The following CLEC16A variants were observed in gnomAD, a reference collection of about 807,000 sequenced individuals.
CLEC16A encodes protein CLEC16A.
CLEC16A carries 51 observed loss-of-function variants against 109.5 expected under a neutral mutation model. The ratio of observed to expected loss-of-function variants is 0.47; its 90% CI spans 0.37 to 0.59. The LOEUF is 0.59. Ranked by LOEUF, CLEC16A falls within the 20% of genes least tolerant of loss-of-function variation. The pLI is 0.00. For synonymous variants in CLEC16A, 673 were observed against 564.2 expected, an observed-to-expected ratio of 1.19 and a Z score of -2.73; for missense variants, 1,339 against 1,394.0, an observed-to-expected ratio of 0.96 and a Z score of 0.63.
chr16:11,164,119 T>G (rs2054820931), intron 22 of CLEC16A, among the ~76,000 whole-genome samples: 1 of 152,042 alleles, frequency 6.6e-6, no homozygotes, highest in Non-Finnish European at 1.5e-5. Context: ...TTGTGCCTCT[T>G]CCTGAGAACT....
Position 10,971,210 on chromosome 16 carries a change from T to C in CLEC16A, c.578T>C (p.Ile193Thr), listed in dbSNP as rs1462096732. 6.2e-7 allele frequency: 1 copy of C among 1,612,494 alleles called. No homozygotes were observed. The highest frequency in any genetic ancestry group is 8.5e-7 in the Non-Finnish European group (1 of 1,178,768). Residue 193 changes from isoleucine (I) to threonine (T), a missense_variant, in exon 5 of 24, where the codon ATA becomes ACA. Around this residue, in one of 3 missense-constraint regions of CLEC16A, gnomAD observed 161 missense variants for 267.1 expected, o/e 0.60. Transcript: ENST00000409790. ...ESMVRIAVRTITLNVYKVSLD... is the reference protein window; with the variant it reads ...ESMVRIAVRTTTLNVYKVSLD... ...ATGGTTAGAATTGCTGTAAGAACCA[T>C]AACTTTGAATGTCTATAAAGGTAAG...
chr16:11,151,215 A>T (rs2054279137), intron 22 of CLEC16A, among the ~76,000 whole-genome samples: 1 of 152,238 alleles, frequency 6.6e-6, no homozygotes, highest in African/African-American at 2.4e-5. Flanking sequence ...GCACCCTATG[A>T]CAAACATCCT....
intron 22 of CLEC16A, among the ~76,000 whole-genome samples, chr16:11,128,311 C>G: frequency 6.6e-6 from 1 of 152,360 alleles, no homozygotes; most frequent in South Asian, 2.1e-4. Context: ...CCCTGCCTGG[C>G]CTTCCACCGG....
At chr16:11,084,407 G>A (rs1264290922) in intron 19 of CLEC16A, among the ~76,000 whole-genome samples, 1 of 152,098 alleles carries the variant, frequency 6.6e-6, no homozygotes, top group Non-Finnish European at 1.5e-5. Flanking sequence ...TGGATCCCAG[G>A]GCCCACAGTG....
chr16:10,990,276 A>G (rs935914176), intron 10 of CLEC16A, among the ~76,000 whole-genome samples: 33 of 152,194 alleles, frequency 2.2e-4, no homozygotes, highest in African/African-American at 8.0e-4. Flanking sequence ...TGCCCACCGA[A>G]GTATTGAATG....
In CLEC16A at chr16:11,125,971, G is replaced by A; in HGVS notation, c.2474-8G>A. 1.3e-6 allele frequency: 2 copies of A among 1,588,820 alleles called. No homozygotes were observed. The highest frequency in any genetic ancestry group is 1.8e-5 in the Admixed American group (1 of 55,284). On this transcript the variant is annotated splice_polypyrimidine_tract_variant and splice_region_variant and intron_variant, in intron 21 of 23. Coordinates refer to ENST00000409790, the MANE Select transcript of CLEC16A (RefSeq NM_015226.3). ...CTCAGAGTGAACCATGCTATTGTTT[G>A]ACCGTAGCCCTCCTGGACCTCCCAA...
chr16:11,008,998 CA>C (rs1178747037), intron 11 of CLEC16A, among the ~76,000 whole-genome samples: 2 of 151,714 alleles, frequency 1.3e-5, no homozygotes, highest in East Asian at 1.9e-4. Flanking sequence ...GACTCTGTCT[CA>C]AAAAAAATAA....
intron 19 of CLEC16A, among the ~76,000 whole-genome samples, chr16:11,099,751 C>T (rs1429979981): frequency 2.6e-5 from 4 of 152,146 alleles, no homozygotes; most frequent in South Asian, 2.1e-4. Flanking sequence ...GGTGCGAGGA[C>T]GGGGCAAAGT....
intron 13 of CLEC16A, among the ~76,000 whole-genome samples, chr16:11,032,428 T>A (rs1202408507): frequency 6.6e-6 from 1 of 151,920 alleles, no homozygotes; most frequent in Non-Finnish European, 1.5e-5. Context: ...GGATGAGAGG[T>A]GAAACTGAGA....
chr16:11,089,843 G>A (rs1046597278), intron 19 of CLEC16A, among the ~76,000 whole-genome samples: 3 of 152,194 alleles, frequency 2.0e-5, no homozygotes, highest in Admixed American at 2.0e-4. Flanking sequence ...CCAGGCACCG[G>A]TCCAAACCAG....
intron 3 of CLEC16A, among the ~76,000 whole-genome samples, chr16:10,966,844 G>A (rs1047566271): frequency 2.0e-4 from 31 of 152,234 alleles, no homozygotes; most frequent in Admixed American, 2.0e-3. Flanking sequence ...GGGGATTATG[G>A]GAACTACAAT....
In CLEC16A at chr16:11,136,461, TTTGTTGTTG is replaced by T. The variant is rs151238568; in HGVS notation, c.2641+10336_2641+10344del. Among the ~76,000 whole-genome samples the T allele has an allele frequency of 4.0e-5, 6 of 151,872 alleles. No homozygotes were observed. In the East Asian group the frequency reaches 7.7e-4, roughly 19 times the overall value. ...AGCAAAGGTTAACTGCTCTTGCCAT[TTTGTTGTTG>T]TTGTTGTTGTTGTTGTTGTTAGTTA... On this transcript the variant is annotated intron_variant, in intron 22 of 23. Coordinates refer to ENST00000409790, the MANE Select transcript of CLEC16A (RefSeq NM_015226.3).
intron 4 of CLEC16A, among the ~76,000 whole-genome samples, chr16:10,969,702 G>A (rs1157381201): frequency 6.6e-6 from 1 of 152,138 alleles, no homozygotes; most frequent in African/African-American, 2.4e-5. Context: ...TTTATACTTG[G>A]TAGAGAGGAG....
At chr16:11,161,607 T>C (rs1416522023) in intron 22 of CLEC16A, among the ~76,000 whole-genome samples, 1 of 152,196 alleles carries the variant, frequency 6.6e-6, no homozygotes, top group Non-Finnish European at 1.5e-5. Context: ...CCAGCTTCCC[T>C]GAGTCCTATG....
intron 3 of CLEC16A, 26 bp downstream of exon 3, chr16:10,962,614 T>TCTGTGCTG: frequency 2.5e-6 from 4 of 1,612,050 alleles, no homozygotes; most frequent in Non-Finnish European, 3.4e-6. Context: ...GGTATTTGCC[T>TCTGTGCTG]CTGTGCTGCT....
intron 23 of CLEC16A, among the ~76,000 whole-genome samples, chr16:11,170,886 T>G (rs760109815): frequency 2.0e-5 from 3 of 152,208 alleles, no homozygotes; most frequent in African/African-American, 7.2e-5. Context: ...TGACAGCCGA[T>G]GCAGAACAGT....
chr16:11,145,496 C>T (rs1382166785), intron 22 of CLEC16A, among the ~76,000 whole-genome samples: 3 of 152,278 alleles, frequency 2.0e-5, no homozygotes, highest in Admixed American at 6.5e-5. Flanking sequence ...GACCTCTCAC[C>T]ACCACACCTG....
At chr16:11,039,268 C>A (rs1044724909) in intron 13 of CLEC16A, among the ~76,000 whole-genome samples, 2 of 152,152 alleles carry the variant, frequency 1.3e-5, no homozygotes, top group African/African-American at 4.8e-5. Context: ...TCTTGGGCCA[C>A]CATGAGTAGG....
chr16:11,000,927 G>A (rs1209075357), intron 10 of CLEC16A, among the ~76,000 whole-genome samples: 1 of 152,130 alleles, frequency 6.6e-6, no homozygotes, highest in Non-Finnish European at 1.5e-5. Context: ...TCTATATCAA[G>A]ATAATGGAAA....
Sources: allele counts gnomAD v4.1 joint callset (sites outside exome capture counted in the v4.1 genomes callset), GRCh38; gene constraint gnomAD v4.1.1; regional missense constraint gnomAD v4.1.1; transcripts MANE v1.5; gene names NCBI Gene and HGNC (gene_info 2026-07-23, HGNC 2026-07-21).